XPNPEP2: variants seen among roughly 807,000 people sequenced by gnomAD.
The protein encoded by XPNPEP2 is X-prolyl aminopeptidase 2, also known as xaa-Pro aminopeptidase 2.
Under a neutral mutation model 59.8 loss-of-function variants are expected in XPNPEP2, and 64 were observed. The observed-to-expected ratio is 1.07, with a 90% CI of 0.87 to 1.32. The LOEUF is 1.32. Ranked by LOEUF, XPNPEP2 falls within the 40% of genes most tolerant of loss-of-function variation. The pLI is 0.00. For missense variants in XPNPEP2, 575 were observed against 546.8 expected (o/e 1.05, Z -0.51); for synonymous variants, 235 against 210.0 (o/e 1.12, Z -1.03).
At chrX:129,762,624 A>G (rs1210945200) in intron 18 of XPNPEP2, 70 bp from the exon 19 acceptor site, 3 of 989,599 alleles carry the variant, frequency 3.0e-6, no homozygotes, top group Non-Finnish European at 4.3e-6. Flanking sequence ...GCCACTCATC[A>G]GTAGGTACAG....
At chrX:129,747,873 T>G in intron 7 of XPNPEP2, 120 bp downstream of exon 7, 1 of 1,015,660 alleles carries the variant, frequency 9.8e-7, no homozygotes. Flanking sequence ...AACCTTAGCA[T>G]GCACCTGAGT....
At chrX:129,742,604 T>C (rs1047660575) in intron 2 of XPNPEP2, among the ~76,000 whole-genome samples, 3 of 110,489 alleles carry the variant, frequency 2.7e-5, no homozygotes, top group Non-Finnish European at 3.8e-5. Context: ...AGACAGAGGT[T>C]AGAAGAGCCA....
rs1350546995 is a variant in XPNPEP2, at chrX:129,761,154, A to G, written c.1499-18A>G. On this transcript the variant is annotated intron_variant, in intron 16 of 20. Coordinates refer to ENST00000371106, the MANE Select transcript of XPNPEP2 (RefSeq NM_003399.6). ...CGGTAAAGCCATCTGACTGGGGTCA[A>G]TCTCTCTTCCCTTCCAGGGCGAATG... 2.5e-6 allele frequency: 3 copies of G among 1,206,815 alleles called. No individual in the cohort carries two copies. In the East Asian group the frequency reaches 8.9e-5, roughly 36 times the overall value.
rs769131153 is a variant in XPNPEP2 at position 129,755,284 on chromosome X, T to C, written c.1218-10T>C. The C allele has an allele frequency of 8.3e-7, 1 of 1,210,757 alleles. No individual in the cohort carries two copies. Among genetic ancestry groups the C allele is most frequent in the Non-Finnish European group, 1.1e-6 (1 of 894,468 alleles). On this transcript the variant is annotated splice_polypyrimidine_tract_variant and intron_variant, in intron 12 of 20. Transcript: ENST00000371106. ...CATTCATTGACCATGCCTTGCCTTG[T>C]ACTTTCCAGAGAAGAACAGTTCTCC...
intron 1 of XPNPEP2, 28 bp from the exon 2 acceptor site, chrX:129,742,080 G>T (rs1270050283): frequency 2.5e-6 from 3 of 1,198,366 alleles, no homozygotes; most frequent in African/African-American, 3.5e-5. Flanking sequence ...GTCCCCAAAT[G>T]ACCCTGGATT....
intron 1 of XPNPEP2, among the ~76,000 whole-genome samples, chrX:129,739,836 G>A (rs1926140665): frequency 8.9e-6 from 1 of 112,776 alleles, no homozygotes; most frequent in Admixed American, 9.3e-5. Context: ...AAGAGGCTTT[G>A]GGGGAGCCTA....
intron 14 of XPNPEP2, 79 bp from the exon 15 acceptor site, chrX:129,759,101 T>C (rs1926608969): frequency 7.9e-6 from 9 of 1,140,036 alleles, no homozygotes; most frequent in Non-Finnish European, 9.6e-6. Context: ...GCCCTGCCAC[T>C]TGTGGAAAGC....
At chrX:129,751,595 A>T (rs5932673) in intron 8 of XPNPEP2, 150 bp from the exon 9 acceptor site, 1 of 180,616 alleles carries the variant, frequency 5.5e-6, no homozygotes, top group Non-Finnish European at 9.5e-6. Context: ...AGAAAGAAAG[A>T]AAGGAAGGAA....
At position 129,752,279 on chromosome X, in the gene XPNPEP2, G is replaced by A. The variant is rs201313922; in HGVS notation, c.951G>A (p.Leu317=). 2.4e-5 allele frequency: 29 copies of A among 1,210,565 alleles called. No homozygotes were observed. In the East Asian group the frequency reaches 6.2e-4, roughly 26 times the overall value. Residue 317 remains leucine (L), a synonymous_variant, in exon 10 of 21, where the codon TTG becomes TTA. Transcript: ENST00000371106. Reference sequence around the variant, plus strand: ...GTGACAGCATCCAGGCCTACTCATTGGGAGATGTGAGGATCTGGATTGGGA... The same window carrying A: ...GTGACAGCATCCAGGCCTACTCATTAGGAGATGTGAGGATCTGGATTGGGA... The part of the protein sequence containing the change: ...QVRDSIQAYS[L]GDVRIWIGTS...
intron 14 of XPNPEP2, among the ~76,000 whole-genome samples, chrX:129,757,796 G>GAGA (rs1556393762): frequency 3.0e-5 from 1 of 33,435 alleles, no homozygotes; most frequent in Non-Finnish European, 5.2e-5. Context: ...ACTATAAAAG[G>GAGA]AAGAAAGAAA....
chrX:129,768,454 C>G lies in XPNPEP2; in HGVS notation c.1994C>G (p.Ser665Cys). Residue 665 changes from serine to cysteine, a missense_variant, in exon 21 of 21, where the codon TCC (serine) becomes TGC (cysteine). Physicochemically the swap from Ser to Cys is moderately radical, Grantham distance 112. Transcript: ENST00000371106. ...TCCTGGGCCTCTGTGTTAGTGGTCTCCACCCTTGCCATCCTTGGCTGGAGT... is the reference window on the plus strand; with the variant it reads ...TCCTGGGCCTCTGTGTTAGTGGTCTGCACCCTTGCCATCCTTGGCTGGAGT... ...TASWASVLVV[S>C]TLAILGWSV 3.4e-6 allele frequency: 4 copies of G among 1,189,184 alleles called. No individual in the cohort carries two copies. The highest frequency in any genetic ancestry group is 4.5e-6 in the Non-Finnish European group (4 of 885,683).
chrX:129,754,397 C>A, intron 11 of XPNPEP2, 75 bp from the exon 12 acceptor site: 1 of 937,787 alleles, frequency 1.1e-6, no homozygotes, highest in Non-Finnish European at 1.4e-6. Context: ...GCTATCTGAT[C>A]TCCATCATCT....
At chrX:129,751,206 T>C (rs1926390366) in intron 8 of XPNPEP2, among the ~76,000 whole-genome samples, 1 of 101,910 alleles carries the variant, frequency 9.8e-6, no homozygotes, top group Non-Finnish European at 1.9e-5. Flanking sequence ...GGGGCAAAAG[T>C]GTCAGAAATG....
intron 10 of XPNPEP2, among the ~76,000 whole-genome samples, chrX:129,752,685 C>G (rs1926443672): frequency 8.9e-6 from 1 of 112,646 alleles, no homozygotes; most frequent in Non-Finnish European, 1.9e-5. Flanking sequence ...GGGTCTTTTT[C>G]TTCACCTATA....
intron 14 of XPNPEP2, among the ~76,000 whole-genome samples, chrX:129,757,917 A>AAG (rs1477274302): frequency 1.0e-5 from 1 of 97,254 alleles, no homozygotes; most frequent in Non-Finnish European, 2.2e-5. Context: ...GAAAGAAAGA[A>AAG]AGAAAGAAAG....
intron 19 of XPNPEP2, 70 bp from the exon 20 acceptor site, chrX:129,767,533 C>T: frequency 9.3e-7 from 1 of 1,080,678 alleles, no homozygotes; most frequent in Non-Finnish European, 1.3e-6. Context: ...GTGCTCCTTC[C>T]TTCCCTTCAG....
chrX:129,745,290 T>C (rs1293675623), intron 4 of XPNPEP2, 24 bp downstream of exon 4: 3 of 1,207,523 alleles, frequency 2.5e-6, no homozygotes, highest in African/African-American at 3.5e-5. Context: ...CCCAGCCCCA[T>C]TGCTTTTGTT....
intron 8 of XPNPEP2, 109 bp downstream of exon 8, chrX:129,750,678 A>AC (rs768955464): frequency 1.2e-3 from 765 of 656,310 alleles, no homozygotes; most frequent in Non-Finnish European, 1.6e-3. Flanking sequence ...CCATGTGCCC[A>AC]CCAATTCTTG....
chrX:129,766,254 C>A (rs1365005696), intron 19 of XPNPEP2, among the ~76,000 whole-genome samples: 1 of 112,188 alleles, frequency 8.9e-6, no homozygotes, highest in African/African-American at 3.2e-5. Context: ...CAGAAAGACT[C>A]TTTTCCACCC....
Sources: allele counts gnomAD v4.1 joint callset (sites outside exome capture counted in the v4.1 genomes callset), GRCh38; gene constraint gnomAD v4.1.1; transcripts MANE v1.5; gene names NCBI Gene and HGNC (gene_info 2026-07-23, HGNC 2026-07-21).